The following ZFAND3 variants were observed in gnomAD, a reference collection of about 807,000 sequenced individuals.
ZFAND3 encodes the protein AN1-type zinc finger protein 3.
A neutral mutation model predicts 29.6 loss-of-function variants in ZFAND3; 10 were observed. The observed-to-expected ratio is 0.34, with a 90% CI of 0.21 to 0.57. ZFAND3 has a LOEUF of 0.57. Among genes scored for constraint, ZFAND3 ranks in the 20% least tolerant of loss-of-function variants. The probability of loss-of-function intolerance (pLI) is 0.86; values close to 1 mark genes in which losing one functional copy is unlikely to be tolerated. For synonymous variants in ZFAND3, 128 were observed against 112.6 expected (o/e 1.14, Z -0.87); for missense variants, 230 against 304.5 (o/e 0.76, Z 1.82).
At position 37,897,814 on chromosome 6, in the gene ZFAND3, A is replaced by G. The variant is rs184115098; in HGVS notation, c.72-32145A>G. Among the ~76,000 whole-genome samples the G allele has an allele frequency of 1.1e-3, 169 of 152,276 alleles. 1 individual carries two copies. The highest frequency in any genetic ancestry group is 1.8e-3 in the Admixed American group (27 of 15,302). Reference sequence around the variant, plus strand: ...AGTGCCTGTTCAAGTCTTTTGTCCAATTTAAATTGGGAATCAACAGTCAGC... The same window carrying G: ...AGTGCCTGTTCAAGTCTTTTGTCCAGTTTAAATTGGGAATCAACAGTCAGC... On this transcript the variant is annotated intron_variant, in intron 1 of 5. Transcript: ENST00000287218.
At chr6:37,983,023 A>G (rs537164015) in intron 2 of ZFAND3, among the ~76,000 whole-genome samples, 2 of 152,352 alleles carry the variant, frequency 1.3e-5, no homozygotes, top group South Asian at 4.1e-4. Flanking sequence ...ACAAAAGCAT[A>G]TAGAATAAGG....
intron 1 of ZFAND3, among the ~76,000 whole-genome samples, chr6:37,910,399 G>T (rs897439561): frequency 6.6e-6 from 1 of 152,176 alleles, no homozygotes; most frequent in Non-Finnish European, 1.5e-5. Flanking sequence ...TAAGTGACAT[G>T]AGAGTCTAAA....
chr6:37,995,822 C>T (rs549829194), intron 2 of ZFAND3, among the ~76,000 whole-genome samples: 153 of 151,978 alleles, frequency 1.0e-3, no homozygotes, highest in Admixed American at 2.0e-3. Context: ...AAATTTTAAA[C>T]GAAATTTAAA....
intron 1 of ZFAND3, among the ~76,000 whole-genome samples, chr6:37,905,864 C>T (rs1304516600): frequency 2.6e-5 from 4 of 151,934 alleles, no homozygotes; most frequent in Admixed American, 2.0e-4. Context: ...TGCTAGCATA[C>T]ATCTTGTTTG....
intron 1 of ZFAND3, among the ~76,000 whole-genome samples, chr6:37,842,426 A>C (rs1354525774): frequency 6.6e-6 from 1 of 152,134 alleles, no homozygotes; most frequent in Non-Finnish European, 1.5e-5. Flanking sequence ...TGCTGTGTAC[A>C]TTATATACTC....
At position 38,019,587 on chromosome 6, in the gene ZFAND3, T is replaced by C. The variant is rs960462415; in HGVS notation, c.113-42006T>C. 6.6e-5 allele frequency among the ~76,000 whole-genome samples: 10 copies of C among 152,328 alleles called. No homozygotes were observed. The East Asian group carries it at 1.9e-3, about 29-fold the overall frequency. Reference sequence around the variant, plus strand: ...TTTACTTTTATGGCTTCTGGGGTTTTTTTGGGTCATTCTGAAGGTTGTCCC... The same window carrying C: ...TTTACTTTTATGGCTTCTGGGGTTTCTTTGGGTCATTCTGAAGGTTGTCCC... On this transcript the variant is annotated intron_variant, in intron 2 of 5. Transcript: ENST00000287218.
intron 2 of ZFAND3, among the ~76,000 whole-genome samples, chr6:38,030,239 C>G (rs146914043): frequency 0.012 from 1,844 of 150,664 alleles, 17 homozygotes; most frequent in Middle Eastern, 0.038. Context: ...GTTGCCCAGG[C>G]TGGTCTCACA....
At position 37,846,746 on chromosome 6, in the gene ZFAND3, C is replaced by T. The variant is rs535182226; in HGVS notation, c.71+26730C>T. On this transcript the variant is annotated intron_variant, in intron 1 of 5. Coordinates refer to ENST00000287218, the MANE Select transcript of ZFAND3 (RefSeq NM_021943.3). ...TTTTTTTTTGGAATGGAGTCTCGCT[C>T]TGTCGCCCAGGCTGAAGTACAGTGG... 2.0e-5 allele frequency among the ~76,000 whole-genome samples: 3 copies of T among 148,312 alleles called. No homozygotes were observed. In the South Asian group the frequency reaches 6.4e-4, roughly 32 times the overall value.
At position 37,933,965 on chromosome 6, in the gene ZFAND3, G is replaced by T. The variant is rs1016399989; in HGVS notation, c.112+3966G>T. On this transcript the variant is annotated intron_variant, in intron 2 of 5. Coordinates refer to ENST00000287218, the MANE Select transcript of ZFAND3 (RefSeq NM_021943.3). ...TGCAGTGGCGCGATCTCTGCTTACC[G>T]CAACCTCCGCCTCCCGGGTTCAAGT... 4.2e-5 allele frequency among the ~76,000 whole-genome samples: 6 copies of T among 141,220 alleles called. No individual in the cohort carries two copies. The Admixed American group carries it at 4.7e-4, about 11-fold the overall frequency. 92.6% of individuals were successfully genotyped at this position (141,220 alleles called of 152,430 possible). A position where few individuals can be genotyped will look rare whatever the true frequency, so the allele number is the denominator to read the frequency against.
chr6:38,129,780 T>C (rs1189621813), intron 5 of ZFAND3, among the ~76,000 whole-genome samples: 2 of 149,968 alleles, frequency 1.3e-5, no homozygotes, highest in African/African-American at 5.0e-5. Context: ...TCTTTTTATT[T>C]AGACTTGCTT....
chr6:37,881,633 C>A (rs764807834), intron 1 of ZFAND3, among the ~76,000 whole-genome samples: 4 of 152,120 alleles, frequency 2.6e-5, no homozygotes, highest in Middle Eastern at 3.2e-3. Context: ...GTTTTCAGAT[C>A]TCCTTAGCCA....
chr6:38,097,071 G>C (rs565041235), intron 4 of ZFAND3, among the ~76,000 whole-genome samples: 1 of 151,940 alleles, frequency 6.6e-6, no homozygotes, highest in South Asian at 2.1e-4. Flanking sequence ...TGGATGAGTG[G>C]GGAAGATAGG....
chr6:37,970,652 C>G (rs1762370703), intron 2 of ZFAND3, among the ~76,000 whole-genome samples: 1 of 152,124 alleles, frequency 6.6e-6, no homozygotes, highest in East Asian at 1.9e-4. Context: ...GCCTGTAATC[C>G]CAGCACTTTG....
chr6:37,832,697 A>G (rs1199571891), intron 1 of ZFAND3, among the ~76,000 whole-genome samples: 1 of 151,886 alleles, frequency 6.6e-6, no homozygotes, highest in African/African-American at 2.4e-5. Context: ...TCTCCTCGAC[A>G]GGGTCTCGCT....
At chr6:38,083,429 C>T (rs186058275) in intron 4 of ZFAND3, among the ~76,000 whole-genome samples, 22 of 151,986 alleles carry the variant, frequency 1.4e-4, no homozygotes, top group Admixed American at 7.2e-4. Flanking sequence ...CTCTTGTGCC[C>T]GGTTCCCAAG....
Position 37,886,237 on chromosome 6 carries a change from CAAAAAAAAAAAAAAAAAAAAAAAAAAA to C in ZFAND3, c.72-43704_72-43678del, listed in dbSNP as rs55661554. On this transcript the variant is annotated intron_variant, in intron 1 of 5. Transcript: ENST00000287218. ...TAGGCTACAGAGCGAGACTCTGTCT[CAAAAAAAAAAAAAAAAAAAAAAAAAAA>C]AAAAAAAAAAAAAAAAAGTTCAAAG... 4.3e-4 allele frequency among the ~76,000 whole-genome samples: 41 copies of C among 95,306 alleles called. 2 individuals carry two copies. The highest frequency in any genetic ancestry group is 9.9e-4 in the Admixed American group (7 of 7,094). The allele number at this position is 95,306 out of a possible 152,430, so 62.5% of individuals were successfully genotyped here.
At chr6:37,969,528 G>A (rs1299609172) in intron 2 of ZFAND3, among the ~76,000 whole-genome samples, 1 of 152,192 alleles carries the variant, frequency 6.6e-6, no homozygotes, top group Non-Finnish European at 1.5e-5. Flanking sequence ...TTATTAAATA[G>A]TGTACCAAAG....
chr6:37,918,951 CTTTTTTT>C (rs66941014), intron 1 of ZFAND3, among the ~76,000 whole-genome samples: 8 of 104,736 alleles, frequency 7.6e-5, no homozygotes, highest in Admixed American at 2.1e-4. Context: ...TGAAAAATGC[CTTTTTTT>C]TTTTTTTTTT....
chr6:38,007,509 C>T (rs1226832960), intron 2 of ZFAND3, among the ~76,000 whole-genome samples: 1 of 152,090 alleles, frequency 6.6e-6, no homozygotes, highest in Non-Finnish European at 1.5e-5. Context: ...TGTGCCACTG[C>T]ACTCCAGTCT....
Sources: allele counts gnomAD v4.1 joint callset (sites outside exome capture counted in the v4.1 genomes callset), GRCh38; gene constraint gnomAD v4.1.1; transcripts MANE v1.5; gene names NCBI Gene and HGNC (gene_info 2026-07-23, HGNC 2026-07-21).